The following SYT9 variants were observed in gnomAD, a reference collection of about 807,000 sequenced individuals.
SYT9 encodes synaptotagmin 9.
SYT9 carries 22 observed loss-of-function variants against 48.4 expected under a neutral mutation model. The ratio of observed to expected loss-of-function variants is 0.45; its 90% CI spans 0.32 to 0.65. SYT9 has a LOEUF of 0.65. Among genes scored for constraint, SYT9 ranks in the 30% least tolerant of loss-of-function variants. The pLI is 0.03. For synonymous variants in SYT9, 265 were observed against 245.0 expected (o/e 1.08, Z -0.76); for missense variants, 577 against 622.0 (o/e 0.93, Z 0.77).
At chr11:7,318,963 G>A (rs931936918) in intron 3 of SYT9, among the ~76,000 whole-genome samples, 1 of 152,074 alleles carries the variant, frequency 6.6e-6, no homozygotes, top group African/African-American at 2.4e-5. Flanking sequence ...TGGAATCGAG[G>A]TAATTCTTGC....
intron 3 of SYT9, among the ~76,000 whole-genome samples, chr11:7,413,148 T>C (rs963654313): frequency 5.9e-5 from 9 of 152,190 alleles, no homozygotes; most frequent in Non-Finnish European, 1.0e-4. Context: ...GACACTCTCA[T>C]TGGGAGCAGC....
At chr11:7,290,887 T>A (rs2133918699) in intron 1 of SYT9, among the ~76,000 whole-genome samples, 1 of 152,230 alleles carries the variant, frequency 6.6e-6, no homozygotes, top group South Asian at 2.1e-4. Context: ...ACTAGGTAAT[T>A]TGAGGAGAGT....
intron 3 of SYT9, among the ~76,000 whole-genome samples, chr11:7,352,110 G>A (rs981923092): frequency 6.6e-6 from 1 of 152,154 alleles, no homozygotes; most frequent in African/African-American, 2.4e-5. Flanking sequence ...CATCCCTGAG[G>A]GGCTTGGGAA....
intron 3 of SYT9, among the ~76,000 whole-genome samples, chr11:7,366,210 C>G (rs920951622): frequency 6.6e-6 from 1 of 152,108 alleles, no homozygotes; most frequent in African/African-American, 2.4e-5. Context: ...GGGTTTTGGG[C>G]CTTCTTCTGC....
intron 3 of SYT9, among the ~76,000 whole-genome samples, chr11:7,338,720 A>G (rs934447437): frequency 5.3e-5 from 8 of 152,022 alleles, no homozygotes; most frequent in African/African-American, 1.9e-4. Context: ...TGTGTTTAGT[A>G]TGATTTTGGT....
At chr11:7,278,203 C>T (rs984668467) in intron 1 of SYT9, among the ~76,000 whole-genome samples, 1 of 152,132 alleles carries the variant, frequency 6.6e-6, no homozygotes, top group African/African-American at 2.4e-5. Flanking sequence ...GCTCAGGCCT[C>T]TCTTCTTCTT....
At chr11:7,414,075 A>G (rs922178030) in intron 3 of SYT9, among the ~76,000 whole-genome samples, 14 of 152,208 alleles carry the variant, frequency 9.2e-5, no homozygotes, top group African/African-American at 2.7e-4. Flanking sequence ...CATACCTAGC[A>G]TGGAAGTAAT....
rs117944467 is a variant in SYT9, at chr11:7,276,783, C to T, written c.145+24452C>T. Reference sequence around the variant, plus strand: ...TATCTGCCAGCCAGGCACAGTGGCACATGCCTATAATCCCAGCAATTTGGG... The same window carrying T: ...TATCTGCCAGCCAGGCACAGTGGCATATGCCTATAATCCCAGCAATTTGGG... On this transcript the variant is annotated intron_variant, in intron 1 of 6. Transcript: ENST00000318881. Among the ~76,000 whole-genome samples, 1,465 of 152,218 alleles carry T rather than the reference C, an allele frequency of 9.6e-3. 14 individuals are homozygous for T. Among genetic ancestry groups the T allele is most frequent in the Middle Eastern group, 0.027 (8 of 294 alleles).
rs56891844 is a variant in SYT9, at chr11:7,270,832, GACACACACACACACAC to G, written c.145+18527_145+18542del. On this transcript the variant is annotated intron_variant, in intron 1 of 6. Transcript: ENST00000318881. ...TTGATGTTTAGATGCACAAGACACA[GACACACACACACACAC>G]ACACACACACACACACACACACACA... is the stretch of plus-strand genomic sequence containing the variant. 7.5e-4 allele frequency among the ~76,000 whole-genome samples: 110 copies of G among 147,284 alleles called. 2 individuals are homozygous for G. Among genetic ancestry groups the G allele is most frequent in the Middle Eastern group, 6.9e-3 (2 of 290 alleles).
At chr11:7,396,574 G>A (rs1333077968) in intron 3 of SYT9, among the ~76,000 whole-genome samples, 3 of 152,086 alleles carry the variant, frequency 2.0e-5, no homozygotes, top group Admixed American at 2.0e-4. Flanking sequence ...GTCTTTGCAT[G>A]ACTCCATGAT....
intron 6 of SYT9, among the ~76,000 whole-genome samples, chr11:7,455,541 T>C (rs2134153389): frequency 6.6e-6 from 1 of 151,822 alleles, no homozygotes; most frequent in African/African-American, 2.4e-5. Context: ...GGTTTTACCA[T>C]GTTGCCCAGG....
chr11:7,349,375 AT>A (rs1175017378), intron 3 of SYT9, among the ~76,000 whole-genome samples: 1 of 124,382 alleles, frequency 8.0e-6, no homozygotes, highest in African/African-American at 3.0e-5. Context: ...ACAATAAAAA[AT>A]ATACAAACAC....
At chr11:7,290,702 A>G (rs763744250) in intron 1 of SYT9, among the ~76,000 whole-genome samples, 2 of 152,200 alleles carry the variant, frequency 1.3e-5, no homozygotes, top group Admixed American at 6.5e-5. Flanking sequence ...CTGGTGTGGC[A>G]GGTATCTTGC....
intron 3 of SYT9, among the ~76,000 whole-genome samples, chr11:7,375,718 C>G (rs1373079765): frequency 6.6e-6 from 1 of 152,078 alleles, no homozygotes; most frequent in Non-Finnish European, 1.5e-5. Flanking sequence ...CTCTGTTTGT[C>G]TATTATTGGT....
chr11:7,331,049 C>T (rs758973236), intron 3 of SYT9, among the ~76,000 whole-genome samples: 1 of 151,814 alleles, frequency 6.6e-6, no homozygotes, highest in Non-Finnish European at 1.5e-5. Flanking sequence ...CCACTCTCCT[C>T]AGCCTCCCAA....
intron 3 of SYT9, among the ~76,000 whole-genome samples, chr11:7,316,772 G>A (rs1245379039): frequency 6.6e-6 from 1 of 152,198 alleles, no homozygotes; most frequent in Non-Finnish European, 1.5e-5. Flanking sequence ...GATCCCTAGT[G>A]TTCCACTTTC....
intron 6 of SYT9, among the ~76,000 whole-genome samples, chr11:7,434,778 C>T (rs982926280): frequency 5.3e-5 from 8 of 152,110 alleles, no homozygotes; most frequent in Non-Finnish European, 1.2e-4. Flanking sequence ...TCCTAGCCTC[C>T]GTGGTGCCTA....
At chr11:7,360,222 G>A (rs180696864) in intron 3 of SYT9, among the ~76,000 whole-genome samples, 45 of 152,182 alleles carry the variant, frequency 3.0e-4, no homozygotes, top group Non-Finnish European at 5.9e-4. Context: ...TCTCTGTTTT[G>A]GTACCAGTAC....
chr11:7,423,776 G>C (rs570721360), intron 6 of SYT9, among the ~76,000 whole-genome samples: 9 of 109,710 alleles, frequency 8.2e-5, no homozygotes, highest in East Asian at 2.5e-4. Context: ...ATCTCAGAGT[G>C]GGGGGAAGGG....
Sources: allele counts gnomAD v4.1 joint callset (sites outside exome capture counted in the v4.1 genomes callset), GRCh38; gene constraint gnomAD v4.1.1; transcripts MANE v1.5; gene names NCBI Gene and HGNC (gene_info 2026-07-23, HGNC 2026-07-21).